The following FILIP1L variants were observed in gnomAD, a reference collection of about 807,000 sequenced individuals.
The protein encoded by FILIP1L is filamin A-interacting protein 1-like.
FILIP1L carries 55 observed loss-of-function variants against 96.6 expected under a neutral mutation model. The observed-to-expected ratio is 0.57, with a 90% CI of 0.46 to 0.71. The LOEUF (loss-of-function observed/expected upper bound fraction) is 0.71. Among genes scored for constraint, FILIP1L ranks in the 30% least tolerant of loss-of-function variants. The pLI is 0.00. For synonymous variants in FILIP1L, 467 were observed against 473.9 expected (o/e 0.99, Z 0.19); for missense variants, 1,304 against 1,321.2 (o/e 0.99, Z 0.20).
Position 99,850,533 on chromosome 3 carries a change from A to G in FILIP1L, c.1143T>C (p.Asp381=), listed in dbSNP as rs201150738. 3 of 1,613,404 alleles carry G rather than the reference A, an allele frequency of 1.9e-6. No homozygotes were observed. Among genetic ancestry groups the G allele is most frequent in the African/African-American group, 2.7e-5 (2 of 74,848 alleles). Reference sequence around the variant, plus strand: ...TGAGCTCTTCATCTTTCCCTTCCATATCTAGCACACGTTTCCTGAGCTCTT... The same window carrying G: ...TGAGCTCTTCATCTTTCCCTTCCATGTCTAGCACACGTTTCCTGAGCTCTT... ...EVEELRKRVL[D]MEGKDEELIK... is the part of the protein sequence containing the mutation. The change falls in exon 5 of 6, where the codon GAT becomes GAC. Residue 381 remains aspartate (D), a synonymous_variant. Coordinates refer to ENST00000477258, the MANE Select transcript of FILIP1L (RefSeq NM_001387850.1).
At chr3:100,027,981 A>G (rs977498797) in intron 1 of FILIP1L, among the ~76,000 whole-genome samples, 1 of 152,160 alleles carries the variant, frequency 6.6e-6, no homozygotes, top group African/African-American at 2.4e-5. Flanking sequence ...GTTAGGTCCA[A>G]TGGGAAGCTG....
At chr3:99,913,763 A>T (rs775510453) in intron 4 of FILIP1L, among the ~76,000 whole-genome samples, 1 of 152,250 alleles carries the variant, frequency 6.6e-6, no homozygotes, top group Non-Finnish European at 1.5e-5. Flanking sequence ...TGCAAGATAT[A>T]GTGTGAAAAA....
intron 4 of FILIP1L, among the ~76,000 whole-genome samples, chr3:99,895,646 C>T (rs566867031): frequency 3.3e-5 from 5 of 152,098 alleles, no homozygotes; most frequent in South Asian, 4.1e-4. Flanking sequence ...CAGTGCAGAT[C>T]GAAATAAACA....
At chr3:99,985,844 C>A (rs150112575) in intron 1 of FILIP1L, among the ~76,000 whole-genome samples, 3 of 152,184 alleles carry the variant, frequency 2.0e-5, no homozygotes, top group African/African-American at 7.2e-5. Context: ...CCACCTCGGC[C>A]TCCCAAAGTA....
chr3:99,976,128 G>A (rs183302157), intron 1 of FILIP1L, among the ~76,000 whole-genome samples: 6 of 151,782 alleles, frequency 4.0e-5, no homozygotes, highest in South Asian at 2.1e-4. Context: ...CAGGTGGTTC[G>A]CCCGCCTCAG....
chr3:99,895,217 G>A (rs1706209506), intron 4 of FILIP1L, among the ~76,000 whole-genome samples: 2 of 152,112 alleles, frequency 1.3e-5, no homozygotes, highest in South Asian at 4.1e-4. Flanking sequence ...ATTCTTAGCT[G>A]TCTCAGGTTC....
intron 1 of FILIP1L, among the ~76,000 whole-genome samples, chr3:99,953,233 T>C (rs917921157): frequency 1.3e-5 from 2 of 152,228 alleles, no homozygotes; most frequent in Middle Eastern, 3.2e-3. Flanking sequence ...TTGGTTAAGT[T>C]ATTGGTTAAG....
intron 5 of FILIP1L, among the ~76,000 whole-genome samples, chr3:99,838,372 G>C (rs1462564928): frequency 1.3e-5 from 2 of 152,226 alleles, no homozygotes; most frequent in Admixed American, 1.3e-4. Flanking sequence ...TGGCTATGGT[G>C]ATCATGGGAG....
intron 1 of FILIP1L, among the ~76,000 whole-genome samples, chr3:100,021,705 TTCAGATG>T (rs1255495592): frequency 6.6e-6 from 1 of 152,156 alleles, no homozygotes; most frequent in East Asian, 1.9e-4. Context: ...AAGATCTAAA[TTCAGATG>T]CCAGTGAAAG....
intron 1 of FILIP1L, chr3:100,010,180 G>T: frequency 2.1e-6 from 2 of 944,404 alleles, no homozygotes; most frequent in Non-Finnish European, 2.5e-6. Context: ...TTTTCCATTT[G>T]GTAAAGTATT....
chr3:99,849,947 T>C lies in FILIP1L; in HGVS notation c.1729A>G (p.Lys577Glu). The C allele has an allele frequency of 6.2e-7, 1 of 1,613,066 alleles. No homozygotes were observed. Among genetic ancestry groups the C allele is most frequent in the Non-Finnish European group, 8.5e-7 (1 of 1,179,810 alleles). Residue 577 changes from lysine (K) to glutamate (E), a missense_variant, in exon 5 of 6, where the codon AAA becomes GAA. Transcript: ENST00000477258. Reference protein sequence around the residue: ...LKNKLKAEEEKGNDLLSRVNM... With the variant: ...LKNKLKAEEEEGNDLLSRVNM... The stretch of plus-strand genomic sequence containing the variant: ...ACTCTTGACAGGAGATCATTTCCTT[T>C]CTCTTCTTCCGCTTTCAATTTGTTT...
At chr3:99,881,522 C>T (rs1277556376) in intron 4 of FILIP1L, among the ~76,000 whole-genome samples, 1 of 151,738 alleles carries the variant, frequency 6.6e-6, no homozygotes, top group Non-Finnish European at 1.5e-5. Context: ...TAATTTGTAG[C>T]CCATCTCTCT....
At chr3:99,836,859 A>G (rs1942920991) in intron 5 of FILIP1L, among the ~76,000 whole-genome samples, 1 of 152,252 alleles carries the variant, frequency 6.6e-6, no homozygotes, top group African/African-American at 2.4e-5. Context: ...CCAATCAGAC[A>G]AATTACATAA....
intron 1 of FILIP1L, 34 bp from the exon 2 acceptor site, chr3:99,931,064 T>A: frequency 6.3e-7 from 1 of 1,588,406 alleles, no homozygotes; most frequent in Non-Finnish European, 8.6e-7. Context: ...TAAAGCTTAA[T>A]GGAAATGGAG....
intron 4 of FILIP1L, among the ~76,000 whole-genome samples, chr3:99,922,332 T>G (rs187155708): frequency 1.2e-3 from 178 of 152,354 alleles, no homozygotes; most frequent in Non-Finnish European, 1.8e-3. Flanking sequence ...TTGTAATGTC[T>G]GAGTCAAATG....
chr3:100,090,677 C>CT (rs1214250775), intron 1 of FILIP1L, among the ~76,000 whole-genome samples: 1 of 152,132 alleles, frequency 6.6e-6, no homozygotes, highest in Non-Finnish European at 1.5e-5. Flanking sequence ...TGAGTCACTC[C>CT]TATCATGAAA....
chr3:99,917,017 C>T (rs768915810), intron 4 of FILIP1L, among the ~76,000 whole-genome samples: 1 of 152,158 alleles, frequency 6.6e-6, no homozygotes, highest in Non-Finnish European at 1.5e-5. Flanking sequence ...TTTAGTGGCT[C>T]TTATTCCTCT....
chr3:99,863,464 T>C (rs1372843116), intron 4 of FILIP1L, among the ~76,000 whole-genome samples: 6 of 152,188 alleles, frequency 3.9e-5, no homozygotes, highest in Admixed American at 2.0e-4. Context: ...CTGGGCTTGG[T>C]TTCCATAGTC....
chr3:99,996,552 T>C (rs972749845), intron 1 of FILIP1L, among the ~76,000 whole-genome samples: 2 of 152,172 alleles, frequency 1.3e-5, no homozygotes, highest in African/African-American at 2.4e-5. Flanking sequence ...TTGACTGTAT[T>C]AGTCAGTTTT....
Sources: gnomAD v4.1 joint callset for allele counts (sites outside exome capture counted in the v4.1 genomes callset) on GRCh38, gnomAD v4.1.1 for gene constraint, MANE v1.5 for transcripts, NCBI Gene and HGNC (gene_info 2026-07-23, HGNC 2026-07-21) for gene names.